Variants in VPS53 observed in about 807,000 individuals in gnomAD.
VPS53 encodes VPS53 subunit of GARP complex.
VPS53 carries 70 observed loss-of-function variants against 107.0 expected under a neutral mutation model. The ratio of observed to expected loss-of-function variants is 0.65; its 90% confidence interval spans 0.54 to 0.80. The LOEUF is 0.80. Among genes scored for constraint, VPS53 ranks in the 30% least tolerant of loss-of-function variants. The pLI, the probability that VPS53 is intolerant of heterozygous loss-of-function variation, is 0.00. For synonymous variants in VPS53, 409 were observed against 393.3 expected, an observed-to-expected ratio of 1.04 and a Z score of -0.47; for missense variants, 917 against 1,049.4, an observed-to-expected ratio of 0.87 and a Z score of 1.74.
At chr17:591,965 T>C (rs1300108238) in intron 12 of VPS53, among the ~76,000 whole-genome samples, 1 of 152,166 alleles carries the variant, frequency 6.6e-6, no homozygotes, top group African/African-American at 2.4e-5. Flanking sequence ...TTCTGTCTCA[T>C]TGATCTGTCT....
At chr17:679,497 G>A (rs1972307393) in intron 4 of VPS53, among the ~76,000 whole-genome samples, 1 of 152,120 alleles carries the variant, frequency 6.6e-6, no homozygotes, top group African/African-American at 2.4e-5. Flanking sequence ...CTGAGCAACA[G>A]AGCAAGACTC....
chr17:665,326 G>A (rs1014615088), intron 4 of VPS53, among the ~76,000 whole-genome samples: 10 of 152,186 alleles, frequency 6.6e-5, no homozygotes, highest in African/African-American at 1.2e-4. Flanking sequence ...GAAAGCCCTC[G>A]CCGCGGGAAG....
intron 13 of VPS53, among the ~76,000 whole-genome samples, chr17:579,007 G>T (rs979212183): frequency 1.5e-5 from 2 of 134,826 alleles, no homozygotes; most frequent in Non-Finnish European, 1.6e-5. Context: ...CAGAATCTCA[G>T]TGGGTTACCA....
At chr17:616,211 C>G (rs1969127124) in intron 11 of VPS53, 1 of 152,138 alleles carries the variant, frequency 6.6e-6, no homozygotes, top group Non-Finnish European at 1.5e-5. Context: ...ACTGCCAGGT[C>G]GTGATACCTG....
intron 7 of VPS53, among the ~76,000 whole-genome samples, chr17:634,528 A>T (rs946844484): frequency 2.3e-4 from 33 of 144,474 alleles, no homozygotes; most frequent in Non-Finnish European, 1.5e-5. Context: ...TATATCTCCT[A>T]ATGCTATCCC....
intron 12 of VPS53, among the ~76,000 whole-genome samples, chr17:591,525 A>C (rs1476386841): frequency 6.6e-6 from 1 of 151,314 alleles, no homozygotes; most frequent in Non-Finnish European, 1.5e-5. Context: ...TAGTGCTACA[A>C]ATTTCCCTCT....
chr17:693,829 C>T (rs1431308000), intron 4 of VPS53, among the ~76,000 whole-genome samples: 2 of 149,168 alleles, frequency 1.3e-5, no homozygotes, highest in African/African-American at 4.9e-5. Context: ...TGTCCATATG[C>T]CACTCCCTTC....
chr17:544,675 T>C (rs1326016187), intron 17 of VPS53, among the ~76,000 whole-genome samples: 3 of 152,254 alleles, frequency 2.0e-5, no homozygotes, highest in African/African-American at 4.8e-5. Flanking sequence ...GGAAATAGCA[T>C]AGCCATCTGA....
intron 13 of VPS53, among the ~76,000 whole-genome samples, chr17:581,883 A>G: frequency 6.6e-6 from 1 of 150,670 alleles, no homozygotes; most frequent in Non-Finnish European, 1.5e-5. Context: ...ATTCGCAGAC[A>G]ACCTCCCTTG....
intron 13 of VPS53, among the ~76,000 whole-genome samples, chr17:575,634 C>T (rs944134598): frequency 6.6e-6 from 1 of 151,440 alleles, no homozygotes; most frequent in Non-Finnish European, 1.5e-5. Context: ...GAACCTAATG[C>T]ATTCCCAGAG....
chr17:619,093 A>C (rs75359086), intron 11 of VPS53, among the ~76,000 whole-genome samples: 110 of 80,998 alleles, frequency 1.4e-3, no homozygotes, highest in African/African-American at 2.9e-3. Flanking sequence ...CACCACGCCC[A>C]GCTAATATTT....
intron 2 of VPS53, chr17:705,570 T>C (rs920924969): frequency 1.5e-4 from 23 of 152,038 alleles, no homozygotes; most frequent in African/African-American, 5.6e-4. Flanking sequence ...TGAAACCCCA[T>C]CTCTACTAAA....
At position 520,556 on chromosome 17, in the gene VPS53, C is replaced by A. The variant is rs992352138; in HGVS notation, c.2224-626G>T. Among the ~76,000 whole-genome samples, 1 of 152,202 alleles carries A rather than the reference C, an allele frequency of 6.6e-6. No homozygotes were observed. Among genetic ancestry groups the A allele is most frequent in the African/African-American group, 2.4e-5 (1 of 41,446 alleles). On this transcript the variant is annotated intron_variant, in intron 20 of 21. Transcript: ENST00000437048. The surrounding 1 kb of genome is among the most constrained non-coding windows in gnomAD (Gnocchi z 4.4). ...TTAACATACAAACAAAGGAAAGGAA[C>A]GGCACTGCAACCCTTATTCATTTCC...
At chr17:628,881 C>T (rs191966774) in intron 8 of VPS53, among the ~76,000 whole-genome samples, 289 of 152,324 alleles carry the variant, frequency 1.9e-3, no homozygotes, top group Admixed American at 3.8e-3. Context: ...TGACGCATCA[C>T]GACGGGAAGG....
At chr17:621,325 C>T (rs1010555032) in intron 11 of VPS53, among the ~76,000 whole-genome samples, 1 of 152,222 alleles carries the variant, frequency 6.6e-6, no homozygotes, top group Non-Finnish European at 1.5e-5. Context: ...ATTTATTTAA[C>T]CATCTTCAAT....
chr17:641,897 A>G (rs570541251), intron 7 of VPS53, among the ~76,000 whole-genome samples: 3 of 152,204 alleles, frequency 2.0e-5, no homozygotes, highest in Admixed American at 6.5e-5. Flanking sequence ...CAAAAGATTC[A>G]TTGTGCTGCC....
intron 1 of VPS53, 41 bp downstream of exon 1, chr17:714,582 C>T (rs766812040): frequency 6.4e-7 from 1 of 1,574,434 alleles, no homozygotes; most frequent in East Asian, 2.3e-5. Flanking sequence ...CGTCTCCCCT[C>T]CCGCACTCCC....
At chr17:655,150 G>A (rs1435101133) in intron 6 of VPS53, among the ~76,000 whole-genome samples, 1 of 152,196 alleles carries the variant, frequency 6.6e-6, no homozygotes, top group African/African-American at 2.4e-5. Context: ...AGCAGGGGGA[G>A]TCCCCAGCCT....
chr17:607,620 C>T (rs564060823), intron 11 of VPS53, among the ~76,000 whole-genome samples: 2 of 152,270 alleles, frequency 1.3e-5, no homozygotes, highest in East Asian at 3.9e-4. Context: ...GTTAGATTGT[C>T]AGTAACTCAA....
Sources: gnomAD v4.1 joint callset for allele counts (sites outside exome capture counted in the v4.1 genomes callset) on GRCh38, gnomAD v4.1.1 for gene constraint, Gnocchi (gnomAD v3.1) non-coding constraint, MANE v1.5 for transcripts, NCBI Gene and HGNC (gene_info 2026-07-23, HGNC 2026-07-21) for gene names.